The following SGCE variants were observed in gnomAD, a reference collection of about 807,000 sequenced individuals.
SGCE encodes the protein epsilon-sarcoglycan.
Under a neutral mutation model 57.8 loss-of-function variants are expected in SGCE, and 26 were observed. The ratio of observed to expected loss-of-function variants is 0.45; its 90% confidence interval spans 0.33 to 0.62. The LOEUF is 0.62. SGCE is among the 20% of genes least tolerant of loss of function. The pLI is 0.02. For missense variants in SGCE, 468 were observed against 548.6 expected (o/e 0.85, Z 1.47); for synonymous variants, 183 against 189.5 (o/e 0.97, Z 0.28).
intron 1 of SGCE, among the ~76,000 whole-genome samples, chr7:94,655,777 G>GA (rs35011167): frequency 6.7e-6 from 1 of 150,060 alleles, no homozygotes; most frequent in Non-Finnish European, 1.5e-5. Flanking sequence ...GCGCGGAGAG[G>GA]AAAAAAAGGC....
intron 1 of SGCE, among the ~76,000 whole-genome samples, chr7:94,636,527 A>C (rs1164110233): frequency 6.6e-6 from 1 of 152,138 alleles, no homozygotes; most frequent in Non-Finnish European, 1.5e-5. Flanking sequence ...ATAACTAGAA[A>C]ATAGAAAAAA....
chr7:94,628,407 A>G, intron 2 of SGCE, 48 bp from the exon 3 acceptor site: 2 of 1,488,830 alleles, frequency 1.3e-6, no homozygotes, highest in East Asian at 2.3e-5. Context: ...ATTTTCACAC[A>G]TGTTGCTTTG....
At chr7:94,596,973 A>G (rs960723083) in intron 9 of SGCE, among the ~76,000 whole-genome samples, 1 of 152,158 alleles carries the variant, frequency 6.6e-6, no homozygotes, top group African/African-American at 2.4e-5. Flanking sequence ...TCATCTAAAA[A>G]GGGATAAGAG....
intron 5 of SGCE, among the ~76,000 whole-genome samples, chr7:94,607,772 C>A (rs1017201116): frequency 1.3e-5 from 2 of 152,002 alleles, no homozygotes; most frequent in African/African-American, 2.4e-5. Context: ...ACTGGAAGTC[C>A]TAACTAATGT....
chr7:94,623,565 A>G, intron 3 of SGCE, 168 bp from the exon 4 acceptor site: 2 of 597,168 alleles, frequency 3.3e-6, no homozygotes, highest in South Asian at 4.5e-5. Flanking sequence ...GCTTTTAGCA[A>G]TATTATGGGA....
At position 94,628,518 on chromosome 7, in the gene SGCE, C is replaced by A. The variant is rs1285790449; in HGVS notation, c.233-159G>T. 6 of 582,496 alleles carry A rather than the reference C, an allele frequency of 1.0e-5. No individual in the cohort carries two copies. The Admixed American group carries it at 1.5e-4, about 15-fold the overall frequency. The allele number at this position is 582,496 out of a possible 1,614,324, so 36.1% of individuals were successfully genotyped here. A position where few individuals can be genotyped will look rare whatever the true frequency, so the allele number is the denominator to read the frequency against. ...CCATCTGGGAATTTAAATTAGGGCA[C>A]CACGTTAAAAAAAATCCTTTTGGTT... On this transcript the variant is annotated intron_variant, in intron 2 of 10. Transcript: ENST00000648936.
chr7:94,613,001 C>A (rs1397389466), intron 5 of SGCE, among the ~76,000 whole-genome samples: 4 of 152,240 alleles, frequency 2.6e-5, no homozygotes, highest in Non-Finnish European at 5.9e-5. Flanking sequence ...CCATCACCTT[C>A]CACAGGGAGT....
In SGCE at chr7:94,603,232, C is replaced by T. The variant is rs1416466842; in HGVS notation, c.825+58G>A. ...AAAAGCAGTTCAGGTTTTAGTCAAACGTTAACTCCAGCCACATTATTTTTA... is the reference window on the plus strand; with the variant it reads ...AAAAGCAGTTCAGGTTTTAGTCAAATGTTAACTCCAGCCACATTATTTTTA... On this transcript the variant is annotated intron_variant, in intron 6 of 10. Transcript: ENST00000648936. 8 of 1,403,106 alleles carry T rather than the reference C, an allele frequency of 5.7e-6. No individual in the cohort carries two copies. The East Asian group carries it at 1.6e-4, about 28-fold the overall frequency. 86.9% of individuals were successfully genotyped at this position (1,403,106 alleles called of 1,614,324 possible). A position where few individuals can be genotyped will look rare whatever the true frequency, so the allele number is the denominator to read the frequency against.
At chr7:94,647,839 T>C (rs1807320853) in intron 1 of SGCE, among the ~76,000 whole-genome samples, 1 of 152,206 alleles carries the variant, frequency 6.6e-6, no homozygotes, top group African/African-American at 2.4e-5. Flanking sequence ...GAGCCTTCCT[T>C]AAACCCCCTA....
intron 6 of SGCE, 63 bp downstream of exon 6, chr7:94,603,227 T>C (rs1799548910): frequency 5.9e-6 from 8 of 1,350,692 alleles, no homozygotes; most frequent in Admixed American, 1.9e-5. Flanking sequence ...CAGGTTTTAG[T>C]CAAACGTTAA....
intron 3 of SGCE, chr7:94,626,647 A>G (rs545571322): frequency 1.1e-4 from 17 of 151,826 alleles, no homozygotes; most frequent in African/African-American, 4.1e-4. Context: ...GATGGTTTCC[A>G]TTTCTTCTTT....
chr7:94,612,316 A>C (rs534279047), intron 5 of SGCE, among the ~76,000 whole-genome samples: 1 of 152,324 alleles, frequency 6.6e-6, no homozygotes, highest in South Asian at 2.1e-4. Flanking sequence ...AGGTATAAAA[A>C]CAAAACTCAT....
At chr7:94,587,679 A>G in intron 10 of SGCE, 8 of 1,527,742 alleles carry the variant, frequency 5.2e-6, no homozygotes, top group Non-Finnish European at 7.0e-6. Context: ...TTGTTGAAAC[A>G]TGTTAGCATT....
chr7:94,587,180 T>C (rs1350496178), intron 10 of SGCE: 1 of 985,108 alleles, frequency 1.0e-6, no homozygotes, highest in African/African-American at 1.7e-5. Flanking sequence ...TAGGCATAAA[T>C]TGTCCTTGTA....
intron 5 of SGCE, among the ~76,000 whole-genome samples, chr7:94,604,963 C>T (rs914263915): frequency 3.3e-5 from 5 of 150,750 alleles, no homozygotes; most frequent in Non-Finnish European, 5.9e-5. Flanking sequence ...GGTCCTGAGG[C>T]ATAGGTTCAC....
intron 9 of SGCE, among the ~76,000 whole-genome samples, chr7:94,596,218 A>T (rs1012975199): frequency 6.6e-6 from 1 of 152,176 alleles, no homozygotes; most frequent in South Asian, 2.1e-4. Flanking sequence ...TGTAAACTAG[A>T]TAGAAAATTT....
intron 1 of SGCE, among the ~76,000 whole-genome samples, chr7:94,654,273 G>C (rs1275997442): frequency 6.6e-6 from 1 of 152,118 alleles, no homozygotes; most frequent in Non-Finnish European, 1.5e-5. Context: ...GTTCAAACTT[G>C]TTCAAACTTT....
intron 6 of SGCE, among the ~76,000 whole-genome samples, chr7:94,601,757 A>G (rs949231455): frequency 1.3e-5 from 2 of 152,112 alleles, no homozygotes; most frequent in African/African-American, 4.8e-5. Context: ...TCCTTTTTAA[A>G]AATGAGAACT....
chr7:94,646,988 T>G (rs1807187915), intron 1 of SGCE, among the ~76,000 whole-genome samples: 1 of 152,226 alleles, frequency 6.6e-6, no homozygotes, highest in South Asian at 2.1e-4. Context: ...ATCGTCCTCG[T>G]GTCTTTCCAT....
Sources: allele counts gnomAD v4.1 joint callset (sites outside exome capture counted in the v4.1 genomes callset), GRCh38; gene constraint gnomAD v4.1.1; transcripts MANE v1.5; gene names NCBI Gene and HGNC (gene_info 2026-07-23, HGNC 2026-07-21).